Variants in GEN1 observed in about 807,000 individuals in gnomAD.
GEN1 encodes the protein GEN1 structure-specific endonuclease.
In GEN1, 64 loss-of-function variants were observed where a neutral mutation model predicts 67.6. The ratio of observed to expected loss-of-function variants is 0.95; its 90% CI spans 0.77 to 1.17. The LOEUF (loss-of-function observed/expected upper bound fraction) is 1.17. Ranked by LOEUF, GEN1 falls within the 50% of genes most tolerant of loss-of-function variation. GEN1 has a pLI of 0.00. For missense variants in GEN1, 1,058 were observed against 1,048.3 expected (o/e 1.01, Z -0.13); for synonymous variants, 371 against 359.4 (o/e 1.03, Z -0.37).
At chr2:17,770,589 C>T (rs1036847567) in intron 6 of GEN1, among the ~76,000 whole-genome samples, 14 of 151,998 alleles carry the variant, frequency 9.2e-5, no homozygotes, top group African/African-American at 1.4e-4. Context: ...TAGCCAAAAA[C>T]GAAATTAACT....
intron 2 of GEN1, 69 bp downstream of exon 2, chr2:17,760,173 A>T: frequency 4.3e-6 from 6 of 1,411,438 alleles, no homozygotes; most frequent in Middle Eastern, 3.7e-4. Flanking sequence ...ATTTTGTTTC[A>T]CCTTTTTTTT....
intron 5 of GEN1, among the ~76,000 whole-genome samples, chr2:17,767,763 T>C (rs1248388375): frequency 6.6e-6 from 1 of 152,226 alleles, no homozygotes; most frequent in African/African-American, 2.4e-5. Context: ...ACCTTTTGTG[T>C]TTTTTAAAAC....
chr2:17,779,953 CTT>C (rs769140433), intron 12 of GEN1, 23 bp from the exon 13 acceptor site: 80 of 1,579,266 alleles, frequency 5.1e-5, no homozygotes, highest in Non-Finnish European at 6.2e-5. Context: ...ATTAAGGACA[CTT>C]TGCTGTATTT....
chr2:17,765,948 A>T (rs990904072), intron 4 of GEN1, among the ~76,000 whole-genome samples: 9 of 148,970 alleles, frequency 6.0e-5, no homozygotes, highest in Non-Finnish European at 7.4e-5. Context: ...TACTTTCTAT[A>T]ATATATATAT....
At chr2:17,756,234 T>TC (rs1235094927) in intron 1 of GEN1, among the ~76,000 whole-genome samples, 2 of 152,212 alleles carry the variant, frequency 1.3e-5, no homozygotes, top group Admixed American at 6.5e-5. Context: ...GTCCATTGCT[T>TC]ATGAAGTGGT....
intron 6 of GEN1, 159 bp from the exon 7 acceptor site, chr2:17,771,037 G>A: frequency 4.4e-6 from 3 of 674,558 alleles, no homozygotes; most frequent in Non-Finnish European, 8.2e-6. Context: ...TAAAGCTTGT[G>A]ACTGAGGGTT....
rs1375891892 is a variant in GEN1 at position 17,788,155 on chromosome 2, G to C, written c.*6216G>C. On this transcript the variant is annotated 3_prime_UTR_variant, in exon 14 of 14. Coordinates refer to ENST00000381254, the MANE Select transcript of GEN1 (RefSeq NM_001130009.3). ...GTTCCTGTTCTGCTGGTAGCACTTA[G>C]GGTAAAACAGCTTAAATAGTATTAC... The C allele has an allele frequency of 6.6e-6, 1 of 152,170 alleles. No homozygotes were observed. Among genetic ancestry groups the C allele is most frequent in the Non-Finnish European group, 1.5e-5 (1 of 68,040 alleles). The allele number at this position is 152,170 out of a possible 1,614,324, so 9.4% of individuals were successfully genotyped here. A position where few individuals can be genotyped will look rare whatever the true frequency, so the allele number is the denominator to read the frequency against.
intron 6 of GEN1, among the ~76,000 whole-genome samples, chr2:17,769,629 C>A (rs1289818191): frequency 6.6e-6 from 1 of 152,130 alleles, no homozygotes; most frequent in Non-Finnish European, 1.5e-5. Flanking sequence ...TGAAATCTTA[C>A]TCGACTGGCC....
Position 17,781,779 on chromosome 2 carries a change from C to A in GEN1, c.2567C>A (p.Ser856Tyr), listed in dbSNP as rs777965399. 1.8e-5 allele frequency: 29 copies of A among 1,611,346 alleles called. No homozygotes were observed. The East Asian group carries it at 5.6e-4, about 31-fold the overall frequency. ...AAAGAAACTGAACAGTGTGTCAGAT[C>A]TTATGAAACAGCTGAAAATGAAGAA... Reference protein sequence around the residue: ...HIKETEQCVRSYETAENEESC... With the variant: ...HIKETEQCVRYYETAENEESC... The change falls in exon 14 of 14, where the codon TCT (serine) becomes TAT (tyrosine). Residue 856 changes from serine to tyrosine, a missense_variant. Coordinates refer to ENST00000381254, the MANE Select transcript of GEN1 (RefSeq NM_001130009.3).
At chr2:17,778,322 A>ATGTG (rs10626432) in intron 12 of GEN1, among the ~76,000 whole-genome samples, 1,141 of 19,070 alleles carry the variant, frequency 0.06, 149 homozygotes, top group East Asian at 0.42. Flanking sequence ...ATACACACAC[A>ATGTG]CGTGTACATA....
Position 17,772,741 on chromosome 2 carries a change from GAACATGATAGGC to G in GEN1, c.914_925del (p.His305_Gln308del), listed in dbSNP as rs761094417. 7 of 1,611,518 alleles carry G rather than the reference GAACATGATAGGC, an allele frequency of 4.3e-6. No homozygotes were observed. The highest frequency in any genetic ancestry group is 5.9e-6 in the Non-Finnish European group (7 of 1,178,556). On this transcript the variant is annotated inframe_deletion, in exon 8 of 14. Coordinates refer to ENST00000381254, the MANE Select transcript of GEN1 (RefSeq NM_001130009.3). Reference sequence around the variant, plus strand: ...CTGTCCTTGTGAGTGGCACCGTACAGAACATGATAGGCAACTCAGTGAAGTAGAGAACAATAT... The same window carrying G: ...CTGTCCTTGTGAGTGGCACCGTACAGAACTCAGTGAAGTAGAGAACAATAT...
chr2:17,760,905 G>C (rs1671644092), intron 2 of GEN1, among the ~76,000 whole-genome samples: 1 of 148,244 alleles, frequency 6.7e-6, no homozygotes, highest in African/African-American at 2.5e-5. Flanking sequence ...CTGGGCAACA[G>C]AGTGAGACTC....
chr2:17,778,151 T>C (rs1480433078), intron 12 of GEN1, 88 bp downstream of exon 12: 1 of 504,590 alleles, frequency 2.0e-6, no homozygotes, highest in Non-Finnish European at 3.6e-6. Context: ...TATATATATA[T>C]ATACACACAC....
Position 17,780,682 on chromosome 2 carries a change from C to CA in GEN1, c.1471dup (p.Met491AsnfsTer8). The CA allele has an allele frequency of 6.2e-7, 1 of 1,613,462 alleles. No homozygotes were observed. The highest frequency in any genetic ancestry group is 8.5e-7 in the Non-Finnish European group (1 of 1,179,642). On this transcript the variant is annotated frameshift_variant, in exon 14 of 14. Coordinates refer to ENST00000381254, the MANE Select transcript of GEN1 (RefSeq NM_001130009.3). LOFTEE classifies it low-confidence loss of function (END_TRUNC). The stretch of plus-strand genomic sequence containing the variant: ...ATGAAGTAATGAGCTTTCAGTCACA[C>CA]ATGACTTTAAAACCCACATGTGAAA...
rs1671949136 is a variant in GEN1, at chr2:17,766,642, G to A, written c.589G>A (p.Ala197Thr). Reference sequence around the variant, plus strand: ...GAGTAAACTAGGTTTGGATAGAGATGCTCTGGTTGGATTAGCAATACTTCT... The same window carrying A: ...GAGTAAACTAGGTTTGGATAGAGATACTCTGGTTGGATTAGCAATACTTCT... The part of the protein sequence containing the change: ...IKSKLGLDRD[A>T]LVGLAILLGC... Residue 197 changes from alanine to threonine, a missense_variant, in exon 5 of 14, where the codon GCT becomes ACT. Physicochemically the swap from Ala to Thr is moderately conservative, Grantham distance 58 (BLOSUM62 0). Transcript: ENST00000381254. 6.2e-7 allele frequency: 1 copy of A among 1,609,728 alleles called. No homozygotes were observed. Among genetic ancestry groups the A allele is most frequent in the Admixed American group, 1.7e-5 (1 of 59,946 alleles).
chr2:17,774,201 A>T, intron 10 of GEN1, 70 bp from the exon 11 acceptor site: 1 of 761,482 alleles, frequency 1.3e-6, no homozygotes, highest in Non-Finnish European at 1.9e-6. Context: ...AAAAATATTA[A>T]TATCACCTAG....
intron 4 of GEN1, among the ~76,000 whole-genome samples, chr2:17,766,376 G>T (rs1416419375): frequency 6.6e-6 from 1 of 152,066 alleles, no homozygotes; most frequent in African/African-American, 2.4e-5. Flanking sequence ...CACCATGTTG[G>T]CCAGGCTGGT....
chr2:17,782,437 G>C lies in GEN1; in HGVS notation c.*498G>C, dbSNP rs558973040. 6 of 152,100 alleles carry C rather than the reference G, an allele frequency of 3.9e-5. No individual in the cohort carries two copies. Among genetic ancestry groups the C allele is most frequent in the Non-Finnish European group, 7.3e-5 (5 of 68,060 alleles). The allele number at this position is 152,100 out of a possible 1,614,324, so 9.4% of individuals were successfully genotyped here. A position where few individuals can be genotyped will look rare whatever the true frequency, so the allele number is the denominator to read the frequency against. ...TCCACTTTGGAAGGCCATGCAAGGTGTTCCATTATAACTCTTTTTCCTAAG... is the reference window on the plus strand; with the variant it reads ...TCCACTTTGGAAGGCCATGCAAGGTCTTCCATTATAACTCTTTTTCCTAAG... On this transcript the variant is annotated 3_prime_UTR_variant, in exon 14 of 14. Transcript: ENST00000381254.
intron 11 of GEN1, among the ~76,000 whole-genome samples, chr2:17,777,226 C>A (rs1319340705): frequency 1.3e-5 from 2 of 152,052 alleles, no homozygotes; most frequent in African/African-American, 4.8e-5. Context: ...AAACAGTGGT[C>A]AGCCCAGGAA....
Sources: allele counts gnomAD v4.1 joint callset (sites outside exome capture counted in the v4.1 genomes callset), GRCh38; gene constraint gnomAD v4.1.1; transcripts MANE v1.5; gene names NCBI Gene and HGNC (gene_info 2026-07-23, HGNC 2026-07-21).